The following TRAK2 variants were observed in gnomAD, a reference collection of about 807,000 sequenced individuals.
TRAK2 encodes the protein trafficking kinesin protein 2.
Under a neutral mutation model 104.6 loss-of-function variants are expected in TRAK2, and 81 were observed. That is an observed-to-expected ratio of 0.77 (90% confidence interval 0.65 to 0.93). The LOEUF (loss-of-function observed/expected upper bound fraction) is 0.93, where lower values mean the gene tolerates loss of function less well. TRAK2 is among the 40% of genes least tolerant of loss of function. The probability of loss-of-function intolerance (pLI) is 0.00; values close to 1 mark genes in which losing one functional copy is unlikely to be tolerated. For missense variants in TRAK2, 1,002 were observed against 1,089.0 expected (o/e 0.92, Z 1.12); for synonymous variants, 406 against 394.4 (o/e 1.03, Z -0.35).
At chr2:201,428,897 TGGATTCCTA>T (rs1452667703) in intron 1 of TRAK2, among the ~76,000 whole-genome samples, 2 of 152,214 alleles carry the variant, frequency 1.3e-5, no homozygotes, top group African/African-American at 4.8e-5. Context: ...CCTTGTAAGT[TGGATTCCTA>T]GGTATTTTAT....
chr2:201,441,364 G>A (rs1268176311), intron 1 of TRAK2, among the ~76,000 whole-genome samples: 1 of 152,180 alleles, frequency 6.6e-6, no homozygotes, highest in South Asian at 2.1e-4. Flanking sequence ...TTTCCACTAA[G>A]AGCATTTGCA....
chr2:201,413,371 G>T (rs1392843182), intron 2 of TRAK2: 2 of 721,788 alleles, frequency 2.8e-6, no homozygotes, highest in Non-Finnish European at 4.5e-6. Flanking sequence ...GCAGAACTGG[G>T]CCTCTTTTTC....
rs3083385 is a variant in TRAK2 at position 201,449,480 on chromosome 2, CTTTTTTTTTTTTTTT to C, written c.-200+1855_-200+1869del. On this transcript the variant is annotated intron_variant, in intron 1 of 15. Coordinates refer to ENST00000332624, the MANE Select transcript of TRAK2 (RefSeq NM_015049.3). ...GATTGCAAATACTAAAATGTTGGTTCTTTTTTTTTTTTTTTTTTTTTGAGACTGAGTTTCACTCTT... is the reference window on the plus strand; with the variant it reads ...GATTGCAAATACTAAAATGTTGGTTCTTTTTTGAGACTGAGTTTCACTCTT... Among the ~76,000 whole-genome samples the C allele has an allele frequency of 7.1e-5, 7 of 98,096 alleles. No homozygotes were observed. The Admixed American group carries it at 7.6e-4, about 11-fold the overall frequency. 64.4% of individuals were successfully genotyped at this position (98,096 alleles called of 152,430 possible). A position where few individuals can be genotyped will look rare whatever the true frequency, so the allele number is the denominator to read the frequency against.
At chr2:201,388,929 T>C (rs1007610106) in intron 12 of TRAK2, among the ~76,000 whole-genome samples, 4 of 152,100 alleles carry the variant, frequency 2.6e-5, no homozygotes, top group Non-Finnish European at 5.9e-5. Flanking sequence ...TTCAATGTAC[T>C]GAATTAATAA....
At chr2:201,426,679 A>T (rs1446152307) in intron 1 of TRAK2, among the ~76,000 whole-genome samples, 1 of 152,224 alleles carries the variant, frequency 6.6e-6, no homozygotes, top group Non-Finnish European at 1.5e-5. Context: ...AAGTTGAACT[A>T]AGAACTAAGT....
intron 5 of TRAK2, 109 bp from the exon 6 acceptor site, chr2:201,398,463 A>T (rs1030913377): frequency 9.5e-7 from 1 of 1,052,128 alleles, no homozygotes; most frequent in East Asian, 2.6e-5. Flanking sequence ...GAAAATCACA[A>T]AATCAGCTGC....
At chr2:201,392,856 A>G (rs1951459759) in intron 10 of TRAK2, 53 bp downstream of exon 10, 1 of 1,539,968 alleles carries the variant, frequency 6.5e-7, no homozygotes, top group Non-Finnish European at 8.8e-7. Context: ...TTTAGGACAA[A>G]CTAATCTTAA....
chr2:201,414,462 CT>C (rs1951674922), intron 2 of TRAK2, among the ~76,000 whole-genome samples: 1 of 152,126 alleles, frequency 6.6e-6, no homozygotes, highest in African/African-American at 2.4e-5. Context: ...AAAACAAATC[CT>C]TAAGAGAGTA....
intron 3 of TRAK2, among the ~76,000 whole-genome samples, chr2:201,405,824 A>C (rs1163312038): frequency 6.6e-6 from 1 of 152,150 alleles, no homozygotes; most frequent in Admixed American, 6.5e-5. Context: ...CTCTACTAAA[A>C]ATACAAAAAT....
intron 2 of TRAK2, among the ~76,000 whole-genome samples, chr2:201,414,202 GT>G (rs1559447468): frequency 1.3e-5 from 2 of 152,038 alleles, no homozygotes; most frequent in African/African-American, 2.4e-5. Flanking sequence ...GAGCTTTTGT[GT>G]TTTTATGTAT....
At chr2:201,412,638 C>T in intron 2 of TRAK2, 1 of 1,565,126 alleles carries the variant, frequency 6.4e-7, no homozygotes, top group Non-Finnish European at 8.8e-7. Context: ...TTGGAAGACA[C>T]AATGAAGGTA....
intron 3 of TRAK2, among the ~76,000 whole-genome samples, chr2:201,404,049 C>T (rs1951572531): frequency 6.6e-6 from 1 of 152,142 alleles, no homozygotes; most frequent in Non-Finnish European, 1.5e-5. Context: ...GTCTTCTCTT[C>T]CTTAACACAA....
At chr2:201,430,364 A>G (rs1951831604) in intron 1 of TRAK2, among the ~76,000 whole-genome samples, 2 of 152,252 alleles carry the variant, frequency 1.3e-5, no homozygotes, top group Middle Eastern at 3.2e-3. Flanking sequence ...GCTGTCAGAC[A>G]GGGACGTTTA....
At chr2:201,411,308 T>C in intron 2 of TRAK2, 1 of 755,560 alleles carries the variant, frequency 1.3e-6, no homozygotes, top group Non-Finnish European at 2.5e-6. Context: ...TAAGTGATGC[T>C]CTTTTATGTT....
At chr2:201,444,126 G>A (rs1023749311) in intron 1 of TRAK2, among the ~76,000 whole-genome samples, 22 of 151,974 alleles carry the variant, frequency 1.4e-4, no homozygotes, top group African/African-American at 4.8e-4. Context: ...GCTTGAACCC[G>A]GGAAGCAGAG....
At chr2:201,444,226 T>TA (rs1319079389) in intron 1 of TRAK2, among the ~76,000 whole-genome samples, 2 of 151,478 alleles carry the variant, frequency 1.3e-5, no homozygotes, top group East Asian at 3.9e-4. Flanking sequence ...AAAATAAAAA[T>TA]AAAAAATAAT....
At chr2:201,381,550 A>G (rs189830440) in intron 15 of TRAK2, among the ~76,000 whole-genome samples, 10 of 152,338 alleles carry the variant, frequency 6.6e-5, no homozygotes, top group Admixed American at 3.3e-4. Context: ...ATACAGTTAA[A>G]TTTTATGATA....
intron 2 of TRAK2, chr2:201,411,531 C>G: frequency 1.3e-6 from 1 of 748,644 alleles, no homozygotes; most frequent in Non-Finnish European, 2.5e-6. Flanking sequence ...AGACTCCAAC[C>G]TATTCAGCAT....
At chr2:201,417,999 G>C (rs1326219238) in intron 2 of TRAK2, among the ~76,000 whole-genome samples, 1 of 152,014 alleles carries the variant, frequency 6.6e-6, no homozygotes, top group Non-Finnish European at 1.5e-5. Flanking sequence ...ATATGTGCAA[G>C]ACTTATACAA....
Sources: gnomAD v4.1 joint callset for allele counts (sites outside exome capture counted in the v4.1 genomes callset) on GRCh38, gnomAD v4.1.1 for gene constraint, MANE v1.5 for transcripts, NCBI Gene and HGNC (gene_info 2026-07-23, HGNC 2026-07-21) for gene names.